SUCLG2: variants seen among roughly 807,000 people sequenced by gnomAD.
SUCLG2 encodes the protein succinate-CoA ligase GDP-forming subunit beta, also known as succinate--CoA ligase [GDP-forming] subunit beta, mitochondrial.
Under a neutral mutation model 47.9 loss-of-function variants are expected in SUCLG2, and 42 were observed. The ratio of observed to expected loss-of-function variants is 0.88; its 90% CI spans 0.69 to 1.14. SUCLG2 has a LOEUF of 1.14. SUCLG2 is among the 50% of genes most tolerant of loss of function. SUCLG2 has a pLI of 0.00. For missense variants in SUCLG2, 571 were observed against 525.9 expected (o/e 1.09, Z -0.84); for synonymous variants, 195 against 197.3 (o/e 0.99, Z 0.10).
At position 67,498,139 on chromosome 3, in the gene SUCLG2, C is replaced by G. The variant is rs765589082; in HGVS notation, c.914G>C (p.Cys305Ser). 6.8e-6 allele frequency: 11 copies of G among 1,606,208 alleles called. No homozygotes were observed. In the South Asian group the frequency reaches 1.2e-4, roughly 18 times the overall value. ...KYIGLDGNIACFVNGAGLAMA... is the reference protein window; with the variant it reads ...KYIGLDGNIASFVNGAGLAMA... ...TTGATATAACTGCTTCTTACCAAAG[C>G]AGGCAATGTTCCCATCTAGTCCTAT... The change falls in exon 8 of 11, where the codon TGC becomes TCC. Residue 305 changes from cysteine to serine, a missense_variant. By Grantham distance (112) the Cys-to-Ser change is moderately radical. Transcript: ENST00000307227.
chr3:67,561,165 T>C (rs915741457), intron 2 of SUCLG2, among the ~76,000 whole-genome samples: 26 of 151,650 alleles, frequency 1.7e-4, no homozygotes, highest in African/African-American at 6.3e-4. Context: ...CTTTATCTTA[T>C]TCCCAGGGGC....
At chr3:67,642,813 T>C (rs1039697413) in intron 1 of SUCLG2, among the ~76,000 whole-genome samples, 1 of 152,088 alleles carries the variant, frequency 6.6e-6, no homozygotes, top group Non-Finnish European at 1.5e-5. Context: ...ACACCATTAA[T>C]AGCCATTGTA....
chr3:67,379,497 T>G (rs936343308), intron 10 of SUCLG2, among the ~76,000 whole-genome samples: 2 of 152,232 alleles, frequency 1.3e-5, no homozygotes, highest in Admixed American at 6.5e-5. Context: ...ATGGATGAAA[T>G]GAGCTCTTGA....
intron 9 of SUCLG2, among the ~76,000 whole-genome samples, chr3:67,466,882 T>C (rs1704486588): frequency 6.6e-6 from 1 of 152,326 alleles, no homozygotes; most frequent in South Asian, 2.1e-4. Context: ...TATAACATGC[T>C]TTACTGCTTA....
intron 9 of SUCLG2, among the ~76,000 whole-genome samples, chr3:67,407,273 T>C (rs1440690041): frequency 6.6e-6 from 1 of 152,224 alleles, no homozygotes; most frequent in African/African-American, 2.4e-5. Flanking sequence ...TCATGGCAAG[T>C]ATACCATCAC....
intron 9 of SUCLG2, among the ~76,000 whole-genome samples, chr3:67,426,090 G>A (rs1366274413): frequency 6.6e-6 from 1 of 152,114 alleles, no homozygotes; most frequent in Non-Finnish European, 1.5e-5. Context: ...ATTAGAGAAT[G>A]CTAAGTCTCT....
intron 1 of SUCLG2, among the ~76,000 whole-genome samples, chr3:67,625,885 GA>G (rs56182359): frequency 0.056 from 8,465 of 152,054 alleles, 330 homozygotes; most frequent in African/African-American, 0.1. Context: ...AGCACTAGGG[GA>G]AAAAAATTAA....
At chr3:67,588,803 T>C (rs1298352433) in intron 2 of SUCLG2, among the ~76,000 whole-genome samples, 1 of 152,216 alleles carries the variant, frequency 6.6e-6, no homozygotes, top group Non-Finnish European at 1.5e-5. Flanking sequence ...CTCTAAGAGA[T>C]GGGGTATGTA....
intron 9 of SUCLG2, among the ~76,000 whole-genome samples, chr3:67,454,524 T>C (rs1013906326): frequency 8.5e-5 from 13 of 152,168 alleles, no homozygotes; most frequent in South Asian, 6.2e-4. Context: ...TCTATATCTA[T>C]CTCTATAGAG....
chr3:67,637,502 T>G (rs1441220185), intron 1 of SUCLG2, among the ~76,000 whole-genome samples: 1 of 152,228 alleles, frequency 6.6e-6, no homozygotes, highest in Non-Finnish European at 1.5e-5. Context: ...CAATAAAGTG[T>G]GAGGGCAATT....
chr3:67,604,291 C>T (rs1039240139), intron 2 of SUCLG2, among the ~76,000 whole-genome samples: 1 of 152,174 alleles, frequency 6.6e-6, no homozygotes, highest in African/African-American at 2.4e-5. Flanking sequence ...ATTGCAGTTT[C>T]TATATATTGC....
chr3:67,462,267 C>A (rs949647272), intron 9 of SUCLG2, among the ~76,000 whole-genome samples: 2 of 152,110 alleles, frequency 1.3e-5, no homozygotes, highest in African/African-American at 2.4e-5. Context: ...AATCTCCCCC[C>A]ACTTTTCTGA....
chr3:67,397,375 A>C (rs1702555867), intron 10 of SUCLG2, among the ~76,000 whole-genome samples: 1 of 151,838 alleles, frequency 6.6e-6, no homozygotes, highest in South Asian at 2.1e-4. Flanking sequence ...CTTATACACC[A>C]ATAACAGACA....
intron 6 of SUCLG2, among the ~76,000 whole-genome samples, chr3:67,516,045 T>C (rs2107117557): frequency 6.6e-6 from 1 of 152,210 alleles, no homozygotes; most frequent in Non-Finnish European, 1.5e-5. Context: ...TACCGGTCTG[T>C]GAGCCCCTGA....
intron 1 of SUCLG2, among the ~76,000 whole-genome samples, chr3:67,652,856 T>C (rs926616778): frequency 3.9e-5 from 6 of 152,230 alleles, no homozygotes; most frequent in African/African-American, 1.4e-4. Context: ...TGATTGCTAA[T>C]GTCCATTTCC....
chr3:67,509,658 C>G (rs376829805), intron 6 of SUCLG2, among the ~76,000 whole-genome samples: 1 of 152,168 alleles, frequency 6.6e-6, no homozygotes. Flanking sequence ...AGCCATGCCC[C>G]TACCCTGGAA....
Position 67,375,020 on chromosome 3 carries a change from C to G in SUCLG2, c.*724G>C. The G allele has an allele frequency of 1.0e-6, 1 of 985,678 alleles. No homozygotes were observed. Among genetic ancestry groups the G allele is most frequent in the Non-Finnish European group, 1.2e-6 (1 of 829,872 alleles). The allele number at this position is 985,678 out of a possible 1,614,324, so 61.1% of individuals were successfully genotyped here. A position where few individuals can be genotyped will look rare whatever the true frequency, so the allele number is the denominator to read the frequency against. On this transcript the variant is annotated 3_prime_UTR_variant, in exon 11 of 11. Coordinates refer to ENST00000307227, the MANE Select transcript of SUCLG2 (RefSeq NM_003848.4). ...CATAAGAATCAGGATTCATTTTTGA[C>G]ACAAAAATGGAAGCTTCCACTCCCA... is the stretch of plus-strand genomic sequence containing the variant.
intron 2 of SUCLG2, among the ~76,000 whole-genome samples, chr3:67,608,408 T>C (rs768955706): frequency 6.6e-6 from 1 of 152,210 alleles, no homozygotes; most frequent in Non-Finnish European, 1.5e-5. Context: ...TTTTCCTAAA[T>C]TGATGTTTTT....
At chr3:67,483,373 C>T (rs1475134605) in intron 9 of SUCLG2, among the ~76,000 whole-genome samples, 6 of 152,216 alleles carry the variant, frequency 3.9e-5, no homozygotes, top group Non-Finnish European at 8.8e-5. Context: ...CAAACTCCAA[C>T]TCCAAATCAT....
Sources: allele counts gnomAD v4.1 joint callset (sites outside exome capture counted in the v4.1 genomes callset), GRCh38; gene constraint gnomAD v4.1.1; transcripts MANE v1.5; gene names NCBI Gene and HGNC (gene_info 2026-07-23, HGNC 2026-07-21).